TXNL4A: variants seen among roughly 807,000 people sequenced by gnomAD.
TXNL4A encodes the protein thioredoxin like 4A.
TXNL4A carries 17 observed loss-of-function variants against 14.6 expected under a neutral mutation model. The observed-to-expected ratio is 1.16, with a 90% CI of 0.80 to 1.74. The LOEUF (loss-of-function observed/expected upper bound fraction) is 1.74, where lower values mean the gene tolerates loss of function less well. TXNL4A is among the 40% of genes most tolerant of loss of function. TXNL4A has a pLI of 0.00. For missense variants in TXNL4A, 74 were observed against 195.2 expected (o/e 0.38, Z 3.70); for synonymous variants, 83 against 70.6 (o/e 1.18, Z -0.88).
chr18:80,010,549 G>A (rs1233729669), intron 1 of TXNL4A, among the ~76,000 whole-genome samples: 3 of 152,276 alleles, frequency 2.0e-5, no homozygotes, highest in South Asian at 2.1e-4. Context: ...GAGTGTCCAC[G>A]GGAACCCACT....
chr18:79,987,466 G>C (rs1188610629), intron 1 of TXNL4A, among the ~76,000 whole-genome samples: 1 of 151,744 alleles, frequency 6.6e-6, no homozygotes, highest in Non-Finnish European at 1.5e-5. Context: ...ATTACTTATG[G>C]AAAATTAATA....
chr18:79,984,125 C>A (rs1287613843), intron 1 of TXNL4A, among the ~76,000 whole-genome samples: 2 of 152,198 alleles, frequency 1.3e-5, no homozygotes, highest in Admixed American at 1.3e-4. Context: ...AGAGGAAACA[C>A]CAAAAATATC....
Position 79,988,229 on chromosome 18 carries a change from C to T in TXNL4A, c.153+11G>A, listed in dbSNP as rs770113361. ...GCACAGCCCGCAGAGCGGGAGAGTC[C>T]GGCGCGCTACCTTCTCGGCGATGCT... On this transcript the variant is annotated intron_variant, in intron 1 of 2. Coordinates refer to ENST00000269601, the MANE Select transcript of TXNL4A (RefSeq NM_006701.5). 4.6e-6 allele frequency: 7 copies of T among 1,512,244 alleles called. No individual in the cohort carries two copies. The highest frequency in any genetic ancestry group is 2.5e-5 in the South Asian group (2 of 80,818). 93.7% of individuals were successfully genotyped at this position (1,512,244 alleles called of 1,614,324 possible).
chr18:80,001,478 C>T (rs1391272403), intron 1 of TXNL4A, among the ~76,000 whole-genome samples: 1 of 152,140 alleles, frequency 6.6e-6, no homozygotes. Context: ...GATCCATCAA[C>T]AGCTTGCTCT....
intron 1 of TXNL4A, among the ~76,000 whole-genome samples, chr18:79,983,930 C>T (rs2051502909): frequency 1.3e-5 from 2 of 152,128 alleles, no homozygotes; most frequent in Non-Finnish European, 2.9e-5. Context: ...CTAGAGTCTG[C>T]ACCCTCAACC....
intron 1 of TXNL4A, among the ~76,000 whole-genome samples, chr18:80,031,225 C>T (rs1039780954): frequency 9.9e-5 from 15 of 152,192 alleles, no homozygotes; most frequent in African/African-American, 3.6e-4. Context: ...ACACCCAGGA[C>T]CTGTGGCCAA....
chr18:79,976,902 T>G, intron 2 of TXNL4A: 1 of 379,626 alleles, frequency 2.6e-6, no homozygotes, highest in Non-Finnish European at 5.2e-6. Flanking sequence ...GTTCAGGTGT[T>G]CCTCTTGGAT....
At chr18:80,002,331 A>G (rs958378462) in intron 1 of TXNL4A, among the ~76,000 whole-genome samples, 1 of 152,224 alleles carries the variant, frequency 6.6e-6, no homozygotes, top group African/African-American at 2.4e-5. Flanking sequence ...GCTGATGAGA[A>G]TATGTTCCAC....
intron 1 of TXNL4A, among the ~76,000 whole-genome samples, chr18:80,013,538 G>T (rs959616020): frequency 2.7e-5 from 4 of 150,858 alleles, no homozygotes; most frequent in African/African-American, 9.8e-5. Context: ...AGGTTCAAAC[G>T]ATTCTCCTGC....
intron 1 of TXNL4A, among the ~76,000 whole-genome samples, chr18:79,995,688 G>T (rs2051655923): frequency 6.6e-6 from 1 of 152,192 alleles, no homozygotes. Flanking sequence ...AAAAACAGAA[G>T]ATTGCCCAAG....
intron 1 of TXNL4A, among the ~76,000 whole-genome samples, chr18:80,027,433 C>T (rs2051892140): frequency 6.6e-6 from 1 of 152,150 alleles, no homozygotes; most frequent in South Asian, 2.1e-4. Context: ...CATATCCTAT[C>T]AGCTACACCC....
chr18:80,025,808 A>T (rs1253281678), intron 1 of TXNL4A, among the ~76,000 whole-genome samples: 1 of 152,236 alleles, frequency 6.6e-6, no homozygotes, highest in African/African-American at 2.4e-5. Flanking sequence ...CACAATGGTC[A>T]GACCCTATAA....
intron 1 of TXNL4A, among the ~76,000 whole-genome samples, chr18:79,983,244 G>A (rs1330655458): frequency 6.6e-6 from 1 of 152,138 alleles, no homozygotes; most frequent in Non-Finnish European, 1.5e-5. Context: ...CAGATGATTC[G>A]CCTGCCTCGG....
intron 1 of TXNL4A, among the ~76,000 whole-genome samples, chr18:80,020,972 C>T (rs1357444954): frequency 6.6e-6 from 1 of 152,044 alleles, no homozygotes; most frequent in Non-Finnish European, 1.5e-5. Context: ...CCTCTACCTG[C>T]TAGAAAATAA....
intron 1 of TXNL4A, among the ~76,000 whole-genome samples, chr18:80,031,665 C>T (rs1478059693): frequency 2.0e-5 from 3 of 152,168 alleles, no homozygotes; most frequent in East Asian, 1.9e-4. Flanking sequence ...TGCCAAACGA[C>T]GGGGTCATGC....
rs1422186211 is a variant in TXNL4A, at chr18:79,972,941, C to A, written c.*744G>T. The A allele has an allele frequency of 2.0e-5, 3 of 152,174 alleles. No homozygotes were observed. Among genetic ancestry groups the A allele is most frequent in the Non-Finnish European group, 4.4e-5 (3 of 68,034 alleles). The allele number at this position is 152,174 out of a possible 1,614,324, so 9.4% of individuals were successfully genotyped here. The stretch of plus-strand genomic sequence containing the variant: ...ACCAGAGTAAACCTTTGGATTCTGT[C>A]ATGGATTGAATTGTGTAACCGCAAA... On this transcript the variant is annotated 3_prime_UTR_variant, in exon 3 of 3. Transcript: ENST00000269601.
Position 80,011,481 on chromosome 18 carries a change from G to C in TXNL4A, c.-61+22370C>G, listed in dbSNP as rs911042978. On this transcript the variant is annotated intron_variant, in intron 1 of 2. Coordinates refer to the TXNL4A transcript ENST00000585474. The surrounding 1 kb of genome is among the most constrained non-coding windows in gnomAD (Gnocchi z 4.1). ...AATTTTGGATTGTTGTGCCTTTATG[G>C]CTGCTACAGTTGCCTTCCACCCTTG... is the stretch of plus-strand genomic sequence containing the variant. Among the ~76,000 whole-genome samples the C allele has an allele frequency of 4.6e-5, 7 of 152,164 alleles. No homozygotes were observed. The highest frequency in any genetic ancestry group is 3.4e-3 in the Middle Eastern group (1 of 294).
At chr18:79,983,441 G>A (rs1435825434) in intron 1 of TXNL4A, among the ~76,000 whole-genome samples, 2 of 152,108 alleles carry the variant, frequency 1.3e-5, no homozygotes, top group Non-Finnish European at 2.9e-5. Flanking sequence ...ATGCCTCTAA[G>A]TCCACCTGCC....
chr18:79,983,654 TA>T (rs35107417), intron 1 of TXNL4A, among the ~76,000 whole-genome samples: 1 of 152,116 alleles, frequency 6.6e-6, no homozygotes, highest in South Asian at 2.1e-4. Context: ...GTCAAAGCCA[TA>T]AAAAAAACTG....
Sources: allele counts gnomAD v4.1 joint callset (sites outside exome capture counted in the v4.1 genomes callset), GRCh38; gene constraint gnomAD v4.1.1; non-coding constraint Gnocchi (gnomAD v3.1); transcripts MANE v1.5; gene names NCBI Gene and HGNC (gene_info 2026-07-23, HGNC 2026-07-21).